KLHL5: variants seen among roughly 807,000 people sequenced by gnomAD.
KLHL5 encodes the protein kelch like family member 5, also known as kelch-like protein 5.
A neutral mutation model predicts 77.7 loss-of-function variants in KLHL5; 48 were observed. The ratio of observed to expected loss-of-function variants is 0.62; its 90% CI spans 0.49 to 0.79. KLHL5 has a LOEUF of 0.79. KLHL5 is among the 30% of genes least tolerant of loss of function. KLHL5 has a pLI of 0.00. For missense variants in KLHL5, 723 were observed against 859.7 expected (o/e 0.84, Z 1.99); for synonymous variants, 260 against 297.0 (o/e 0.88, Z 1.28).
Position 39,076,016 on chromosome 4 carries a change from TAC to T in KLHL5, c.437_438del (p.Thr146IlefsTer3). 6 of 1,612,896 alleles carry T rather than the reference TAC, an allele frequency of 3.7e-6. No individual in the cohort carries two copies. The highest frequency in any genetic ancestry group is 5.1e-6 in the Non-Finnish European group (6 of 1,179,614). On this transcript the variant is annotated frameshift_variant, in exon 2 of 11. Transcript: ENST00000504108. LOFTEE classifies it high-confidence loss of function. ...LSSCHTMEPC[T>X]SDEFFQALNH... ...CATCCTGTCATACTATGGAGCCATGTACATCAGATGAATTTTTCCAAGCCCTT... is the reference window on the plus strand; with the variant it reads ...CATCCTGTCATACTATGGAGCCATGTATCAGATGAATTTTTCCAAGCCCTT...
In KLHL5 at chr4:39,062,808, G is replaced by A. The variant is rs1717552364; in HGVS notation, c.156G>A (p.Lys52=). Reference sequence around the variant, plus strand: ...AGACTGGAGCAAACGGTGGGAGAAAGTTTTTAGATCCATGTAGCCTACAAT... The same window carrying A: ...AGACTGGAGCAAACGGTGGGAGAAAATTTTTAGATCCATGTAGCCTACAAT... ...RGQTGANGGR[K]FLDPCSLQLP... Residue 52 remains lysine (K), a synonymous_variant, in exon 1 of 11, where the codon AAG becomes AAA. Transcript: ENST00000504108. 6.2e-7 allele frequency: 1 copy of A among 1,613,966 alleles called. No individual in the cohort carries two copies. Among genetic ancestry groups the A allele is most frequent in the Non-Finnish European group, 8.5e-7 (1 of 1,179,976 alleles).
At chr4:39,056,331 G>A (rs547716191) in intron 1 of KLHL5, among the ~76,000 whole-genome samples, 112 of 152,260 alleles carry the variant, frequency 7.4e-4, no homozygotes, top group African/African-American at 2.5e-3. Context: ...GGCTGGTCTC[G>A]AATTCCTGAC....
At chr4:39,132,261 T>G in the KLHL5 span, among the ~76,000 whole-genome samples, 1 of 152,120 alleles carries the variant, frequency 6.6e-6, no homozygotes, top group Non-Finnish European at 1.5e-5. Context: ...AGATTCACGT[T>G]ACTTGAAAAA....
In KLHL5 at chr4:39,076,079, C is replaced by G; in HGVS notation, c.498C>G (p.Asn166Lys). 1.2e-6 allele frequency: 2 copies of G among 1,607,382 alleles called. No individual in the cohort carries two copies. Among genetic ancestry groups the G allele is most frequent in the Non-Finnish European group, 1.7e-6 (2 of 1,178,252 alleles). ...AGCAAACATTTAAAAAAATGGAAAA[C>G]TATTTGAGACATAAACAGTTGTGTG... is the stretch of plus-strand genomic sequence containing the variant. ...HAEQTFKKME[N>K]YLRHKQLCDV... The change falls in exon 2 of 11, where the codon AAC becomes AAG. Residue 166 changes from asparagine to lysine, a missense_variant. By Grantham distance (94) the Asn-to-Lys change is moderately conservative. This residue lies in a region of KLHL5 where 221 missense variants were observed against 222.1 expected (regional missense o/e 1.00). Coordinates refer to ENST00000504108, the MANE Select transcript of KLHL5 (RefSeq NM_015990.5).
At chr4:39,135,079 G>C in the KLHL5 span, among the ~76,000 whole-genome samples, 2 of 152,278 alleles carry the variant, frequency 1.3e-5, no homozygotes, top group Admixed American at 1.3e-4. Context: ...CCATAACAGA[G>C]GATTGGACTC....
intron 5 of KLHL5, chr4:39,093,405 A>G: frequency 2.2e-6 from 1 of 455,980 alleles, no homozygotes; most frequent in Non-Finnish European, 4.4e-6. Context: ...AATGTTTCAA[A>G]ACTGTTTTAT....
intron 6 of KLHL5, among the ~76,000 whole-genome samples, chr4:39,101,137 T>G (rs548969305): frequency 4.1e-5 from 6 of 147,914 alleles, no homozygotes; most frequent in African/African-American, 1.5e-4. Flanking sequence ...TATATATATA[T>G]ATATATATAT....
intron 5 of KLHL5, among the ~76,000 whole-genome samples, chr4:39,096,339 A>G (rs1721064939): frequency 6.6e-6 from 1 of 152,100 alleles, no homozygotes; most frequent in Non-Finnish European, 1.5e-5. Context: ...TTATTCTTCC[A>G]TTAGAATTAT....
At chr4:39,102,218 C>T (rs1721634938) in intron 6 of KLHL5, among the ~76,000 whole-genome samples, 1 of 151,594 alleles carries the variant, frequency 6.6e-6, no homozygotes, top group African/African-American at 2.4e-5. Flanking sequence ...GCTAGCGCGG[C>T]TTACATGATG....
chr4:39,061,606 G>A (rs1717418326), upstream of KLHL5, among the ~76,000 whole-genome samples: 1 of 152,122 alleles, frequency 6.6e-6, no homozygotes, highest in African/African-American at 2.4e-5. Flanking sequence ...TGCCTTAACT[G>A]TAACCATGTT....
rs532931070 is a variant in KLHL5 at position 39,053,027 on chromosome 4, T to G, written c.-95+7931T>G. Among the ~76,000 whole-genome samples the G allele has an allele frequency of 1.3e-4, 20 of 152,334 alleles. No individual in the cohort carries two copies. In the South Asian group the frequency reaches 3.9e-3, roughly 30 times the overall value. The stretch of plus-strand genomic sequence containing the variant: ...TGAAGTTAAATTATTGAACAGGTTA[T>G]TGGTGGCTTTTCTTTGGGTCTAGTT... On this transcript the variant is annotated intron_variant, in intron 1 of 11. Transcript: ENST00000261425.
chr4:39,087,805 C>T (rs899691067), intron 5 of KLHL5, among the ~76,000 whole-genome samples: 11 of 151,986 alleles, frequency 7.2e-5, no homozygotes, highest in African/African-American at 2.7e-4. Context: ...CTTTCTTTTT[C>T]TTTTTTTAAT....
At chr4:39,075,341 A>G (rs2109347558) in intron 1 of KLHL5, among the ~76,000 whole-genome samples, 1 of 152,216 alleles carries the variant, frequency 6.6e-6, no homozygotes, top group South Asian at 2.1e-4. Context: ...CAAACAAAAA[A>G]AAAAAAAAGA....
chr4:39,086,392 A>G (rs1048215231), intron 4 of KLHL5, 123 bp from the exon 5 acceptor site: 3 of 738,586 alleles, frequency 4.1e-6, no homozygotes, highest in South Asian at 3.4e-5. Flanking sequence ...TAAGTATTAC[A>G]TTGTAAGGTC....
intron 7 of KLHL5, among the ~76,000 whole-genome samples, chr4:39,104,408 G>A (rs934620362): frequency 6.6e-6 from 1 of 152,146 alleles, no homozygotes; most frequent in Non-Finnish European, 1.5e-5. Flanking sequence ...AATTTGGGTT[G>A]ACCATAAAAT....
rs570545618 is a variant in KLHL5 at position 39,045,125 on chromosome 4, G to A, written c.-95+29G>A. ...AGTGCGACTTCCTTCTCGGCATCGGGGAGGGGGCCGCCTCGGGCAGGGCCC... is the reference window on the plus strand; with the variant it reads ...AGTGCGACTTCCTTCTCGGCATCGGAGAGGGGGCCGCCTCGGGCAGGGCCC... On this transcript the variant is annotated intron_variant, in intron 1 of 11. Transcript: ENST00000261425. 7.9e-5 allele frequency: 78 copies of A among 984,562 alleles called. 1 individual carries two copies. The South Asian group carries it at 2.9e-3, about 37-fold the overall frequency. The allele number at this position is 984,562 out of a possible 1,614,324, so 61.0% of individuals were successfully genotyped here. A position where few individuals can be genotyped will look rare whatever the true frequency, so the allele number is the denominator to read the frequency against.
chr4:39,065,620 C>T (rs1441359564), intron 1 of KLHL5, among the ~76,000 whole-genome samples: 1 of 152,092 alleles, frequency 6.6e-6, no homozygotes, highest in Non-Finnish European at 1.5e-5. Flanking sequence ...TCCCAAAGTG[C>T]TGGGATTACA....
chr4:39,099,902 A>T (rs1721397064), intron 6 of KLHL5, among the ~76,000 whole-genome samples: 1 of 152,184 alleles, frequency 6.6e-6, no homozygotes, highest in Non-Finnish European at 1.5e-5. Flanking sequence ...ATAATCTGCA[A>T]ATACTTATTA....
At chr4:39,107,483 C>CT in intron 7 of KLHL5, 86 bp from the exon 8 acceptor site, 4 of 834,440 alleles carry the variant, frequency 4.8e-6, no homozygotes, top group Non-Finnish European at 6.7e-6. Context: ...ATGTTTAAGG[C>CT]TTATTGTACT....
Sources: allele counts gnomAD v4.1 joint callset (sites outside exome capture counted in the v4.1 genomes callset), GRCh38; gene constraint gnomAD v4.1.1; regional missense constraint gnomAD v4.1.1; transcripts MANE v1.5; gene names NCBI Gene and HGNC (gene_info 2026-07-23, HGNC 2026-07-21).